Variants in KCNQ1 observed in about 807,000 individuals in gnomAD.
KCNQ1 encodes the protein potassium voltage-gated channel subfamily KQT member 1.
Under a neutral mutation model 72.4 loss-of-function variants are expected in KCNQ1, and 49 were observed. The observed-to-expected ratio is 0.68, with a 90% CI of 0.54 to 0.86. The LOEUF is 0.86. KCNQ1 is among the 40% of genes least tolerant of loss of function. The pLI, the probability that KCNQ1 is intolerant of heterozygous loss-of-function variation, is 0.00. For missense variants in KCNQ1, 790 were observed against 945.1 expected (o/e 0.84, Z 2.15); for synonymous variants, 450 against 412.6 (o/e 1.09, Z -1.10).
At chr11:2,778,452 G>A (rs895022618) in intron 15 of KCNQ1, among the ~76,000 whole-genome samples, 1 of 152,232 alleles carries the variant, frequency 6.6e-6, no homozygotes, top group African/African-American at 2.4e-5. Context: ...CCTCCACTTG[G>A]GGCCGGCCGA....
chr11:2,537,939 C>T lies in KCNQ1; in HGVS notation c.477+9921C>T, dbSNP rs1041426951. 3.3e-5 allele frequency among the ~76,000 whole-genome samples: 5 copies of T among 152,156 alleles called. No individual in the cohort carries two copies. The highest frequency in any genetic ancestry group is 3.3e-4 in the Admixed American group (5 of 15,276). On this transcript the variant is annotated intron_variant, in intron 2 of 15. Coordinates refer to ENST00000155840, the MANE Select transcript of KCNQ1 (RefSeq NM_000218.3). This position sits in a 1 kb window ranked among gnomAD's most constrained non-coding sequence, Gnocchi z 5.2. ...CCATGTTACCTAGGCTGGTCTTAAA[C>T]TCCTGAGTTCAAACAATCCTCCCAC...
chr11:2,724,712 G>A lies in KCNQ1; in HGVS notation c.1515-44132G>A, dbSNP rs1268437330. Among the ~76,000 whole-genome samples, 1 of 152,208 alleles carries A rather than the reference G, an allele frequency of 6.6e-6. No individual in the cohort carries two copies. Among genetic ancestry groups the A allele is most frequent in the Non-Finnish European group, 1.5e-5 (1 of 68,026 alleles). ...TCCTGGGCTCACAGAGGAGGACGTGGGGACCTGCCCAAGGAGACACAGGCA... is the reference window on the plus strand; with the variant it reads ...TCCTGGGCTCACAGAGGAGGACGTGAGGACCTGCCCAAGGAGACACAGGCA... On this transcript the variant is annotated intron_variant, in intron 11 of 15. Transcript: ENST00000155840. The surrounding 1 kb of genome is among the most constrained non-coding windows in gnomAD (Gnocchi z 6.8).
At chr11:2,568,716 G>T (rs561386808) in intron 2 of KCNQ1, among the ~76,000 whole-genome samples, 1 of 152,170 alleles carries the variant, frequency 6.6e-6, no homozygotes, top group Non-Finnish European at 1.5e-5. Flanking sequence ...CCTGGGAAAT[G>T]GGGGTGGATA....
At position 2,642,723 on chromosome 11, in the gene KCNQ1, C is replaced by A; in HGVS notation, c.1394-19238C>A. 1 of 397,554 alleles carries A rather than the reference C, an allele frequency of 2.5e-6. No individual in the cohort carries two copies. Among genetic ancestry groups the A allele is most frequent in the Admixed American group, 4.4e-5 (1 of 22,682 alleles). The allele number at this position is 397,554 out of a possible 1,614,324, so 24.6% of individuals were successfully genotyped here. On this transcript the variant is annotated intron_variant, in intron 10 of 15. Coordinates refer to ENST00000155840, the MANE Select transcript of KCNQ1 (RefSeq NM_000218.3). This position sits in a 1 kb window ranked among gnomAD's most constrained non-coding sequence, Gnocchi z 4.3. ...AATTTTATGTTTAGTATGGTTTGTT[C>A]TTGCTTTTCTGGTTCCTTCAGGTGT...
At chr11:2,811,289 C>A (rs946869400) in intron 15 of KCNQ1, among the ~76,000 whole-genome samples, 2 of 152,242 alleles carry the variant, frequency 1.3e-5, no homozygotes, top group African/African-American at 4.8e-5. Flanking sequence ...TTTCCCTTAT[C>A]GCAACTGGTC....
rs1234979353 is a variant in KCNQ1 at position 2,508,454 on chromosome 11, C to T, written c.387-19474C>T. On this transcript the variant is annotated intron_variant, in intron 1 of 15. Transcript: ENST00000155840. The surrounding 1 kb of genome is among the most constrained non-coding windows in gnomAD (Gnocchi z 6.2). ...CAGCTCCCGAGGCCTGGCTGCTCTGCATGGGGAGGAGTGTGGGTCCTGAGT... is the reference window on the plus strand; with the variant it reads ...CAGCTCCCGAGGCCTGGCTGCTCTGTATGGGGAGGAGTGTGGGTCCTGAGT... Among the ~76,000 whole-genome samples the T allele has an allele frequency of 2.0e-5, 3 of 152,244 alleles. No homozygotes were observed. The highest frequency in any genetic ancestry group is 2.1e-4 in the South Asian group (1 of 4,826).
intron 6 of KCNQ1, among the ~76,000 whole-genome samples, chr11:2,576,248 C>T (rs1322915236): frequency 6.6e-6 from 1 of 152,206 alleles, no homozygotes; most frequent in African/African-American, 2.4e-5. Flanking sequence ...CACAGCTGTC[C>T]AGCGAAGGCG....
In KCNQ1 at chr11:2,585,248, C is replaced by T. The variant is rs1554894743; in HGVS notation, c.1069C>T (p.Gln357Ter). 1.2e-6 allele frequency: 2 copies of T among 1,614,086 alleles called. No homozygotes were observed. The highest frequency in any genetic ancestry group is 2.2e-5 in the East Asian group (1 of 44,882). The stretch of plus-strand genomic sequence containing the variant: ...CTCGGGGTTTGCCCTGAAGGTGCAG[C>T]AGAAGCAGAGGCAGAAGCACTTCAA... ...LGSGFALKVQ[Q>*]KQRQKHFNRQ... Residue 357 changes from glutamine to a stop codon, truncating the protein, a stop_gained, in exon 8 of 16, where the codon CAG becomes TAG. Transcript: ENST00000155840. LOFTEE classifies it high-confidence loss of function.
At chr11:2,755,511 G>A (rs111642690) in intron 11 of KCNQ1, among the ~76,000 whole-genome samples, 4 of 152,290 alleles carry the variant, frequency 2.6e-5, no homozygotes, top group African/African-American at 9.6e-5. Context: ...CCTCACCCTT[G>A]GCCTTCCAAA....
intron 10 of KCNQ1, chr11:2,619,213 T>C (rs545459502): frequency 1.1e-4 from 42 of 398,558 alleles, no homozygotes; most frequent in Non-Finnish European, 1.1e-4. Context: ...CAGTACTATG[T>C]TGAGTAGTAG....
rs990001278 is a variant in KCNQ1 at position 2,781,141 on chromosome 11, G to C, written c.1794+3104G>C. Among the ~76,000 whole-genome samples, 1 of 152,162 alleles carries C rather than the reference G, an allele frequency of 6.6e-6. No homozygotes were observed. Among genetic ancestry groups the C allele is most frequent in the Non-Finnish European group, 1.5e-5 (1 of 68,036 alleles). ...CTTAGGGTCAAAAGTCACAAAAGCT[G>C]CCTCATGCCCTTTCTGTTTTCATCT... On this transcript the variant is annotated intron_variant, in intron 15 of 15. Transcript: ENST00000155840. The surrounding 1 kb of genome is among the most constrained non-coding windows in gnomAD (Gnocchi z 6.6).
Position 2,677,370 on chromosome 11 carries a change from T to C in KCNQ1, c.1514+15289T>C, listed in dbSNP as rs546539153. On this transcript the variant is annotated intron_variant, in intron 11 of 15. Coordinates refer to ENST00000155840, the MANE Select transcript of KCNQ1 (RefSeq NM_000218.3). This position sits in a 1 kb window ranked among gnomAD's most constrained non-coding sequence, Gnocchi z 4.5. ...TGGGCAGAGTAGACCAGTTAGTTAA[T>C]CAGTTGAAGAGGAAACCAAGATCGA... 5 of 398,618 alleles carry C rather than the reference T, an allele frequency of 1.3e-5. No homozygotes were observed. Among genetic ancestry groups the C allele is most frequent in the African/African-American group, 1.0e-4 (5 of 48,762 alleles). 24.7% of individuals were successfully genotyped at this position (398,618 alleles called of 1,614,324 possible). A position where few individuals can be genotyped will look rare whatever the true frequency, so the allele number is the denominator to read the frequency against.
intron 11 of KCNQ1, among the ~76,000 whole-genome samples, chr11:2,760,892 G>T (rs1846382579): frequency 6.6e-6 from 1 of 152,204 alleles, no homozygotes; most frequent in African/African-American, 2.4e-5. Context: ...CCCCACAGCA[G>T]CGTCTAGGGG....
intron 11 of KCNQ1, chr11:2,694,764 C>A (rs766564175): frequency 2.5e-6 from 1 of 398,414 alleles, no homozygotes; most frequent in Non-Finnish European, 4.4e-6. Context: ...ACTAGAAAAG[C>A]GTAGCCTGTG....
rs138389289 is a variant in KCNQ1, at chr11:2,505,885, G to A, written c.387-22043G>A. 2.1e-3 allele frequency among the ~76,000 whole-genome samples: 314 copies of A among 152,164 alleles called. 1 individual carries two copies. Among genetic ancestry groups the A allele is most frequent in the African/African-American group, 7.2e-3 (299 of 41,510 alleles). ...CTTTTTGTGTCTTTGGCTCTAACGCGAGTCTCTAGTAGACAGCATGTAGCT... is the reference window on the plus strand; with the variant it reads ...CTTTTTGTGTCTTTGGCTCTAACGCAAGTCTCTAGTAGACAGCATGTAGCT... On this transcript the variant is annotated intron_variant, in intron 1 of 15. Transcript: ENST00000155840.
intron 15 of KCNQ1, among the ~76,000 whole-genome samples, chr11:2,790,337 G>A (rs1278848047): frequency 6.6e-6 from 1 of 152,206 alleles, no homozygotes; most frequent in African/African-American, 2.4e-5. Flanking sequence ...CAGTGCCCTA[G>A]CCTGGCCCAG....
chr11:2,848,131 A>C lies in KCNQ1; in HGVS notation c.*128A>C. Reference sequence around the variant, plus strand: ...GAAGAGCCCCACTCTCAGAGGCCCCAATACCCCATGGACCATGCTGTCTGG... The same window carrying C: ...GAAGAGCCCCACTCTCAGAGGCCCCCATACCCCATGGACCATGCTGTCTGG... On this transcript the variant is annotated 3_prime_UTR_variant, in exon 16 of 16. Transcript: ENST00000155840. 1.2e-6 allele frequency: 1 copy of C among 817,426 alleles called. No individual in the cohort carries two copies. The highest frequency in any genetic ancestry group is 2.0e-6 in the Non-Finnish European group (1 of 492,864). 50.6% of individuals were successfully genotyped at this position (817,426 alleles called of 1,614,324 possible).
At position 2,624,295 on chromosome 11, in the gene KCNQ1, G is replaced by A; in HGVS notation, c.1393+35441G>A. The A allele has an allele frequency of 2.5e-6, 1 of 398,416 alleles. No homozygotes were observed. Among genetic ancestry groups the A allele is most frequent in the Non-Finnish European group, 4.4e-6 (1 of 225,994 alleles). The allele number at this position is 398,416 out of a possible 1,614,324, so 24.7% of individuals were successfully genotyped here. On this transcript the variant is annotated intron_variant, in intron 10 of 15. Transcript: ENST00000155840. The surrounding 1 kb of genome is among the most constrained non-coding windows in gnomAD (Gnocchi z 4.9). Reference sequence around the variant, plus strand: ...GTTTTCTAATTGTTATGTTTTTAAGGTTCTTTATATATTTTGGATGAGTCC... The same window carrying A: ...GTTTTCTAATTGTTATGTTTTTAAGATTCTTTATATATTTTGGATGAGTCC...
Position 2,661,828 on chromosome 11 carries a change from T to A in KCNQ1, c.1394-133T>A. 9.3e-7 allele frequency: 1 copy of A among 1,079,258 alleles called. No homozygotes were observed. Among genetic ancestry groups the A allele is most frequent in the Non-Finnish European group, 1.4e-6 (1 of 711,896 alleles). 66.9% of individuals were successfully genotyped at this position (1,079,258 alleles called of 1,614,324 possible). ...CCACCCCAACACCCAACTATAAAAC[T>A]GATTGTCAGGGCTGGAGCTTCCAGG... On this transcript the variant is annotated intron_variant, in intron 10 of 15. Coordinates refer to ENST00000155840, the MANE Select transcript of KCNQ1 (RefSeq NM_000218.3). This position sits in a 1 kb window ranked among gnomAD's most constrained non-coding sequence, Gnocchi z 5.9.
Sources: gnomAD v4.1 joint callset for allele counts (sites outside exome capture counted in the v4.1 genomes callset) on GRCh38, gnomAD v4.1.1 for gene constraint, Gnocchi (gnomAD v3.1) non-coding constraint, MANE v1.5 for transcripts, NCBI Gene and HGNC (gene_info 2026-07-23, HGNC 2026-07-21) for gene names.